The following ANOS1 variants were observed in gnomAD, a reference collection of about 807,000 sequenced individuals.
ANOS1 encodes anosmin 1, also known as anosmin-1.
A neutral mutation model predicts 59.0 loss-of-function variants in ANOS1; 6 were observed. The observed-to-expected ratio is 0.10, with a 90% CI of 0.06 to 0.20. The LOEUF (loss-of-function observed/expected upper bound fraction) is 0.20, where lower values mean the gene tolerates loss of function less well. Among genes scored for constraint, ANOS1 ranks in the 10% least tolerant of loss-of-function variants. The pLI is 1.00. For synonymous variants in ANOS1, 217 were observed against 223.4 expected (o/e 0.97, Z 0.25); for missense variants, 433 against 542.3 (o/e 0.80, Z 2.00).
intron 1 of ANOS1, among the ~76,000 whole-genome samples, chrX:8,703,073 T>A (rs144320121): frequency 1.8e-4 from 20 of 112,440 alleles, no homozygotes; most frequent in African/African-American, 6.4e-4. Context: ...TTTCTGCACT[T>A]GCTGGATTCC....
chrX:8,689,534 A>AAAT (rs375100466), intron 2 of ANOS1, among the ~76,000 whole-genome samples: 4,816 of 107,898 alleles, frequency 0.045, 133 homozygotes, highest in Non-Finnish European at 0.069. Context: ...TTGTCTCTAC[A>AAAT]AATAATAATA....
At chrX:8,568,546 A>G (rs1930161854) in intron 7 of ANOS1, among the ~76,000 whole-genome samples, 170 bp from the exon 8 acceptor site, 2 of 110,940 alleles carry the variant, frequency 1.8e-5, no homozygotes, top group South Asian at 3.9e-4. Context: ...ATCAAAATAA[A>G]CTTCAGGCCA....
chrX:8,666,796 T>C (rs1426877477), intron 2 of ANOS1, among the ~76,000 whole-genome samples: 1 of 111,622 alleles, frequency 9.0e-6, no homozygotes, highest in Admixed American at 9.5e-5. Flanking sequence ...CCCTTCAACT[T>C]TGCATTTCCT....
intron 2 of ANOS1, among the ~76,000 whole-genome samples, chrX:8,685,760 G>A (rs774809628): frequency 7.2e-5 from 8 of 111,571 alleles, no homozygotes; most frequent in African/African-American, 2.3e-4. Flanking sequence ...TTTACAAAGT[G>A]CACACTTTAA....
At chrX:8,626,398 T>C (rs1931394147) in intron 2 of ANOS1, among the ~76,000 whole-genome samples, 1 of 111,163 alleles carries the variant, frequency 9.0e-6, no homozygotes, top group South Asian at 3.7e-4. Context: ...ATTATTTTCA[T>C]TTTTTTAAAA....
chrX:8,592,126 TTTA>T (rs1238421761), intron 4 of ANOS1, among the ~76,000 whole-genome samples: 4 of 111,868 alleles, frequency 3.6e-5, no homozygotes, highest in African/African-American at 1.3e-4. Flanking sequence ...ATTGTGAGAT[TTTA>T]TTACTATTAA....
At chrX:8,574,175 G>A (rs189213825) in intron 6 of ANOS1, among the ~76,000 whole-genome samples, 9 of 110,132 alleles carry the variant, frequency 8.2e-5, no homozygotes, top group Non-Finnish European at 1.5e-4. Flanking sequence ...GAGGAAAACC[G>A]CGATGCTACT....
chrX:8,577,257 A>G (rs1254383286), intron 6 of ANOS1, among the ~76,000 whole-genome samples: 1 of 111,745 alleles, frequency 8.9e-6, no homozygotes, highest in Non-Finnish European at 1.9e-5. Flanking sequence ...AGAGATGGGG[A>G]AATTGAGGAT....
intron 2 of ANOS1, among the ~76,000 whole-genome samples, chrX:8,691,087 T>A (rs1414963733): frequency 9.2e-6 from 1 of 108,974 alleles, no homozygotes; most frequent in Non-Finnish European, 1.9e-5. Context: ...TTTTTTTTTT[T>A]TTTTGAGACA....
intron 1 of ANOS1, among the ~76,000 whole-genome samples, chrX:8,712,899 T>C (rs1433077166): frequency 8.9e-6 from 1 of 112,029 alleles, no homozygotes; most frequent in Non-Finnish European, 1.9e-5. Context: ...TTTTAAAATG[T>C]TGCACCCTCT....
chrX:8,691,551 A>G (rs2146893534), intron 2 of ANOS1, among the ~76,000 whole-genome samples: 1 of 111,872 alleles, frequency 8.9e-6, no homozygotes, highest in Non-Finnish European at 1.9e-5. Flanking sequence ...ATGGATGAAT[A>G]GGGTCAATAA....
intron 2 of ANOS1, among the ~76,000 whole-genome samples, chrX:8,658,139 G>A (rs1052936354): frequency 2.9e-4 from 33 of 111,921 alleles, no homozygotes; most frequent in African/African-American, 8.1e-4. Context: ...AGAGCTGTGG[G>A]TGCTCAATGT....
chrX:8,571,134 A>G (rs1930226451), intron 6 of ANOS1, among the ~76,000 whole-genome samples: 1 of 110,162 alleles, frequency 9.1e-6, no homozygotes, highest in Admixed American at 9.7e-5. Context: ...AAAAAGTAAA[A>G]GAAAGGCAAA....
chrX:8,652,445 C>T (rs1931864360), intron 2 of ANOS1, among the ~76,000 whole-genome samples: 2 of 111,783 alleles, frequency 1.8e-5, no homozygotes, highest in African/African-American at 6.5e-5. Context: ...GAGTCCTCAA[C>T]ACCCACTGAA....
chrX:8,616,044 CTT>C (rs5901371), intron 3 of ANOS1, among the ~76,000 whole-genome samples: 7 of 104,958 alleles, frequency 6.7e-5, no homozygotes, highest in South Asian at 4.2e-4. Flanking sequence ...CCCCTGATCA[CTT>C]TTTTTTTTTA....
At chrX:8,626,593 C>T (rs755386860) in intron 2 of ANOS1, among the ~76,000 whole-genome samples, 2 of 111,219 alleles carry the variant, frequency 1.8e-5, no homozygotes, top group Non-Finnish European at 3.8e-5. Context: ...GGCGCGGTGG[C>T]TCACGCCTGT....
At chrX:8,554,961 T>C (rs1199360478) in intron 8 of ANOS1, among the ~76,000 whole-genome samples, 1 of 111,071 alleles carries the variant, frequency 9.0e-6, no homozygotes, top group African/African-American at 3.3e-5. Flanking sequence ...TATTCTAAAA[T>C]TGACCATGTA....
intron 8 of ANOS1, among the ~76,000 whole-genome samples, chrX:8,557,260 A>G (rs751556351): frequency 8.9e-6 from 1 of 112,282 alleles, no homozygotes; most frequent in East Asian, 2.8e-4. Flanking sequence ...GGACATAGGC[A>G]TGGGCAAAGA....
chrX:8,630,353 C>T (rs1931466676), intron 2 of ANOS1, among the ~76,000 whole-genome samples: 1 of 109,026 alleles, frequency 9.2e-6, no homozygotes, highest in Non-Finnish European at 1.9e-5. Context: ...ATTGCTTGAA[C>T]CTGGGAGCTG....
Sources: gnomAD v4.1 joint callset for allele counts (sites outside exome capture counted in the v4.1 genomes callset) on GRCh38, gnomAD v4.1.1 for gene constraint, MANE v1.5 for transcripts, NCBI Gene and HGNC (gene_info 2026-07-23, HGNC 2026-07-21) for gene names.